The following LRIG1 variants were observed in gnomAD, a reference collection of about 807,000 sequenced individuals.
The protein encoded by LRIG1 is leucine-rich repeats and immunoglobulin-like domains protein 1.
A neutral mutation model predicts 99.2 loss-of-function variants in LRIG1; 48 were observed. The ratio of observed to expected loss-of-function variants is 0.48; its 90% CI spans 0.38 to 0.62. LRIG1 has a LOEUF of 0.62. Ranked by LOEUF, LRIG1 falls within the 20% of genes least tolerant of loss-of-function variation. LRIG1 has a pLI of 0.00. For missense variants in LRIG1, 1,646 were observed against 1,434.4 expected, an observed-to-expected ratio of 1.15 and a Z score of -2.38; for synonymous variants, 772 against 596.1, an observed-to-expected ratio of 1.29 and a Z score of -4.30.
chr3:66,383,278 G>C lies in LRIG1; in HGVS notation c.2195C>G (p.Pro732Arg), dbSNP rs61746346. The part of the protein sequence containing the change: ...PRITWFKGDR[P>R]LSLTERHHLT... Reference sequence around the variant, plus strand: ...GTGGTGCCGCTCAGTGAGGCTCAGCGGGCGGTCCCCCTTGAACCAGGTGAT... The same window carrying C: ...GTGGTGCCGCTCAGTGAGGCTCAGCCGGCGGTCCCCCTTGAACCAGGTGAT... The change falls in exon 15 of 19, where the codon CCG (proline) becomes CGG (arginine). Residue 732 changes from proline (P) to arginine (R), a missense_variant. Pro to Arg is a moderately radical substitution (Grantham distance 103). Transcript: ENST00000273261. 1.2e-6 allele frequency: 2 copies of C among 1,613,840 alleles called. No homozygotes were observed. The highest frequency in any genetic ancestry group is 1.7e-4 in the Middle Eastern group (1 of 6,058).
intron 8 of LRIG1, 119 bp downstream of exon 8, chr3:66,407,229 C>T: frequency 9.2e-7 from 1 of 1,081,726 alleles, no homozygotes. Flanking sequence ...AGCAAGCCAG[C>T]TTTGGATCCA....
chr3:66,434,755 T>TAAA lies in LRIG1; in HGVS notation c.365+16801_365+16803dup, dbSNP rs71616222. Among the ~76,000 whole-genome samples the TAAA allele has an allele frequency of 3.8e-4, 38 of 100,248 alleles. 1 individual carries two copies. Among genetic ancestry groups the TAAA allele is most frequent in the African/African-American group, 1.2e-3 (37 of 31,394 alleles). The allele number at this position is 100,248 out of a possible 152,430, so 65.8% of individuals were successfully genotyped here. On this transcript the variant is annotated intron_variant, in intron 3 of 18. Transcript: ENST00000273261. Reference sequence around the variant, plus strand: ...GAGCGAGACTCTGTCTCAAAAAAATTAAAAAAAAAAAAAAAAAAACACACC... The same window carrying TAAA: ...GAGCGAGACTCTGTCTCAAAAAAATTAAAAAAAAAAAAAAAAAAAAAACACACC...
intron 6 of LRIG1, among the ~76,000 whole-genome samples, chr3:66,411,131 C>T (rs947431453): frequency 6.6e-6 from 1 of 152,200 alleles, no homozygotes; most frequent in Non-Finnish European, 1.5e-5. Flanking sequence ...CTCAGGCCCA[C>T]CGTGTAAGTG....
intron 1 of LRIG1, among the ~76,000 whole-genome samples, chr3:66,499,976 T>C (rs1337173229): frequency 6.6e-6 from 1 of 151,344 alleles, no homozygotes; most frequent in Non-Finnish European, 1.5e-5. Context: ...ACGCTCTTCT[T>C]CTCCAGGCTC....
At chr3:66,401,677 A>G (rs772956840) in intron 9 of LRIG1, 2 of 1,527,932 alleles carry the variant, frequency 1.3e-6, no homozygotes, top group South Asian at 2.4e-5. Context: ...GCTCTAATAA[A>G]AGGCTGCTGC....
At chr3:66,419,494 G>A (rs1415967539) in intron 3 of LRIG1, among the ~76,000 whole-genome samples, 1 of 152,208 alleles carries the variant, frequency 6.6e-6, no homozygotes, top group African/African-American at 2.4e-5. Flanking sequence ...GTCTGTGAGA[G>A]GAGCAAGGGA....
intron 3 of LRIG1, among the ~76,000 whole-genome samples, chr3:66,438,503 T>TA (rs774018090): frequency 6.0e-4 from 92 of 152,134 alleles, no homozygotes; most frequent in Non-Finnish European, 1.1e-3. Context: ...AAGTGTTTTG[T>TA]GAAACGTCCT....
intron 1 of LRIG1, among the ~76,000 whole-genome samples, chr3:66,473,306 T>C (rs1213234708): frequency 6.6e-6 from 1 of 152,208 alleles, no homozygotes; most frequent in Non-Finnish European, 1.5e-5. Context: ...CTGGAGCTGC[T>C]TGTAAGAAAA....
intron 3 of LRIG1, among the ~76,000 whole-genome samples, chr3:66,444,514 C>T (rs1004853547): frequency 3.3e-5 from 5 of 152,240 alleles, no homozygotes; most frequent in African/African-American, 1.2e-4. Context: ...TCAGAACCGA[C>T]ACATGAGCCT....
chr3:66,453,367 C>T (rs946440186), intron 2 of LRIG1, among the ~76,000 whole-genome samples: 2 of 152,234 alleles, frequency 1.3e-5, no homozygotes, highest in Non-Finnish European at 2.9e-5. Context: ...TGCATCTCTA[C>T]AGCCCTCAGA....
chr3:66,409,342 C>T (rs867421473), intron 7 of LRIG1, among the ~76,000 whole-genome samples: 4 of 152,210 alleles, frequency 2.6e-5, no homozygotes, highest in African/African-American at 7.2e-5. Flanking sequence ...AGGAATGCTG[C>T]GTTCACTGTC....
Position 66,382,837 on chromosome 3 carries a change from G to C in LRIG1, c.2491+145C>G, listed in dbSNP as rs533820877. 223 of 721,462 alleles carry C rather than the reference G, an allele frequency of 3.1e-4. 3 individuals carry two copies. In the South Asian group the frequency reaches 3.6e-3, roughly 12 times the overall value. The allele number at this position is 721,462 out of a possible 1,614,324, so 44.7% of individuals were successfully genotyped here. ...CCTGTTTAAGGTTAAGTTCCTCAAAGTTAAAATGGAATTAGTGGGACTAAA... is the reference window on the plus strand; with the variant it reads ...CCTGTTTAAGGTTAAGTTCCTCAAACTTAAAATGGAATTAGTGGGACTAAA... On this transcript the variant is annotated intron_variant, in intron 15 of 18. Coordinates refer to ENST00000273261, the MANE Select transcript of LRIG1 (RefSeq NM_015541.3).
intron 9 of LRIG1, among the ~76,000 whole-genome samples, chr3:66,401,860 C>G (rs2107991318): frequency 6.6e-6 from 1 of 152,302 alleles, no homozygotes; most frequent in Admixed American, 6.5e-5. Context: ...GCCAACCCAG[C>G]CAACAGCTCC....
chr3:66,404,989 C>G (rs1702209278), intron 9 of LRIG1, among the ~76,000 whole-genome samples: 1 of 152,236 alleles, frequency 6.6e-6, no homozygotes, highest in Non-Finnish European at 1.5e-5. Context: ...CCCAAGAACC[C>G]AACACCCAGG....
intron 3 of LRIG1, among the ~76,000 whole-genome samples, chr3:66,423,361 A>C (rs1702879111): frequency 6.6e-6 from 1 of 152,014 alleles, no homozygotes; most frequent in Non-Finnish European, 1.5e-5. Flanking sequence ...ACCTTAGGTC[A>C]GGAGTTTTGA....
intron 12 of LRIG1, among the ~76,000 whole-genome samples, chr3:66,389,302 T>C (rs1284482266): frequency 6.6e-6 from 1 of 151,954 alleles, no homozygotes. Flanking sequence ...CTAGTCAGTA[T>C]TGGAAAAACA....
chr3:66,459,225 A>C (rs898454501), intron 2 of LRIG1, among the ~76,000 whole-genome samples: 1 of 152,198 alleles, frequency 6.6e-6, no homozygotes, highest in East Asian at 1.9e-4. Context: ...ATAAACTCTA[A>C]CAAGTGCTGA....
chr3:66,405,771 C>T, intron 8 of LRIG1: 1 of 1,179,762 alleles, frequency 8.5e-7, no homozygotes. Flanking sequence ...GGGTCTGGAG[C>T]CCGGAGCCCA....
chr3:66,490,843 G>A (rs1300064469), intron 1 of LRIG1, among the ~76,000 whole-genome samples: 3 of 152,178 alleles, frequency 2.0e-5, no homozygotes, highest in African/African-American at 4.8e-5. Context: ...GATAGAAGAT[G>A]GAAGTCATTC....
Sources: gnomAD v4.1 joint callset for allele counts (sites outside exome capture counted in the v4.1 genomes callset) on GRCh38, gnomAD v4.1.1 for gene constraint, MANE v1.5 for transcripts, NCBI Gene and HGNC (gene_info 2026-07-23, HGNC 2026-07-21) for gene names.